Variants in PDCD6IP observed in about 807,000 individuals in gnomAD.
PDCD6IP encodes the protein programmed cell death 6-interacting protein.
Under a neutral mutation model 103.7 loss-of-function variants are expected in PDCD6IP, and 43 were observed. The observed-to-expected ratio is 0.41, with a 90% CI of 0.32 to 0.53. The LOEUF (loss-of-function observed/expected upper bound fraction) is 0.53, where lower values mean the gene tolerates loss of function less well. Ranked by LOEUF, PDCD6IP falls within the 20% of genes least tolerant of loss-of-function variation. PDCD6IP has a pLI of 0.16. For synonymous variants in PDCD6IP, 354 were observed against 378.7 expected (o/e 0.93, Z 0.76); for missense variants, 871 against 1,036.7 (o/e 0.84, Z 2.20).
chr3:33,822,534 A>G (rs371214141), intron 4 of PDCD6IP, among the ~76,000 whole-genome samples: 4 of 152,344 alleles, frequency 2.6e-5, no homozygotes, highest in African/African-American at 7.2e-5. Context: ...TAACTTTGAG[A>G]CTTGTGGAGA....
At chr3:33,832,093 A>G (rs1697256498) in intron 7 of PDCD6IP, among the ~76,000 whole-genome samples, 1 of 152,206 alleles carries the variant, frequency 6.6e-6, no homozygotes, top group African/African-American at 2.4e-5. Context: ...CCATAAGAAC[A>G]CCATAAACTG....
At chr3:33,820,726 T>G (rs908253507) in intron 3 of PDCD6IP, among the ~76,000 whole-genome samples, 1 of 152,236 alleles carries the variant, frequency 6.6e-6, no homozygotes, top group East Asian at 1.9e-4. Context: ...TTATAGCATA[T>G]GATTTCCTTC....
intron 1 of PDCD6IP, among the ~76,000 whole-genome samples, chr3:33,804,566 CAT>C (rs1191089952): frequency 2.0e-5 from 3 of 152,200 alleles, no homozygotes; most frequent in Admixed American, 1.3e-4. Flanking sequence ...GGTGAATAAA[CAT>C]ATGGGAAGAT....
rs181427600 is a variant in PDCD6IP, at chr3:33,833,083, C to T, written c.835-2961C>T. On this transcript the variant is annotated intron_variant, in intron 7 of 17. Coordinates refer to ENST00000307296, the MANE Select transcript of PDCD6IP (RefSeq NM_013374.6). ...TTTGGAGTATTTTACAACTATCTCA[C>T]GTATCATTTCATTCTTAAGTTTTTT... Among the ~76,000 whole-genome samples, 7 of 151,882 alleles carry T rather than the reference C, an allele frequency of 4.6e-5. No homozygotes were observed. In the East Asian group the frequency reaches 7.7e-4, roughly 17 times the overall value.
At chr3:33,826,774 G>T in intron 6 of PDCD6IP, 194 bp downstream of exon 6, 8 of 1,331,260 alleles carry the variant, frequency 6.0e-6, no homozygotes, top group Non-Finnish European at 6.7e-6. Flanking sequence ...TTTAGGGGAT[G>T]CCTTTGTCTT....
intron 16 of PDCD6IP, 76 bp from the exon 17 acceptor site, chr3:33,865,167 C>A: frequency 9.9e-7 from 1 of 1,009,656 alleles, no homozygotes; most frequent in Non-Finnish European, 1.4e-6. Flanking sequence ...TCTCATATGT[C>A]CTTATTAATT....
At chr3:33,856,970 A>G (rs1195349261) in intron 15 of PDCD6IP, among the ~76,000 whole-genome samples, 1 of 152,134 alleles carries the variant, frequency 6.6e-6, no homozygotes. Context: ...TGACCCTTTC[A>G]GCCAACTAGA....
chr3:33,800,119 C>CAAAAAAAAAAAAAA (rs1173163869), intron 1 of PDCD6IP, among the ~76,000 whole-genome samples: 9 of 50,872 alleles, frequency 1.8e-4, no homozygotes, highest in Non-Finnish European at 3.3e-4. Flanking sequence ...GACTCCATCT[C>CAAAAAAAAAAAAAA]AAAAAAAAAA....
In PDCD6IP at chr3:33,830,755, G is replaced by A. The variant is rs553301563; in HGVS notation, c.834+1786G>A. ...CACACTCACTGATCCATATTTCAGAGGACAGTTATTCTTTCCGGTAGGCAT... is the reference window on the plus strand; with the variant it reads ...CACACTCACTGATCCATATTTCAGAAGACAGTTATTCTTTCCGGTAGGCAT... On this transcript the variant is annotated intron_variant, in intron 7 of 17. Transcript: ENST00000307296. Among the ~76,000 whole-genome samples the A allele has an allele frequency of 2.0e-5, 3 of 152,238 alleles. No individual in the cohort carries two copies. The South Asian group carries it at 6.2e-4, about 32-fold the overall frequency.
intron 3 of PDCD6IP, among the ~76,000 whole-genome samples, chr3:33,815,875 T>C (rs1696838696): frequency 6.6e-6 from 1 of 152,130 alleles, no homozygotes; most frequent in Non-Finnish European, 1.5e-5. Context: ...AATTATTAGG[T>C]GATAATAAAT....
Position 33,812,094 on chromosome 3 carries a change from A to G in PDCD6IP, c.232A>G (p.Ile78Val), listed in dbSNP as rs774974360. 5.6e-5 allele frequency: 90 copies of G among 1,599,318 alleles called. No homozygotes were observed. Among genetic ancestry groups the G allele is most frequent in the Non-Finnish European group, 6.5e-5 (76 of 1,173,322 alleles). The change falls in exon 2 of 18, where the codon ATT (isoleucine) becomes GTT (valine). Residue 78 changes from isoleucine to valine, a missense_variant. Ile to Val is a conservative substitution (Grantham distance 29, BLOSUM62 3). Coordinates refer to ENST00000307296, the MANE Select transcript of PDCD6IP (RefSeq NM_013374.6). ...LLRYYDQICS[I>V]EPKFPFSENQ... The stretch of plus-strand genomic sequence containing the variant: ...TAGATATTATGATCAGATTTGTTCT[A>G]TTGAACCCAAATTCCCATTTTCTGA...
At chr3:33,842,682 T>G (rs1697501849) in intron 10 of PDCD6IP, among the ~76,000 whole-genome samples, 1 of 152,190 alleles carries the variant, frequency 6.6e-6, no homozygotes, top group Non-Finnish European at 1.5e-5. Flanking sequence ...AAATTTAGTG[T>G]AGAAAGTTCC....
intron 6 of PDCD6IP, chr3:33,828,593 T>C (rs1429851083): frequency 1.2e-5 from 3 of 248,492 alleles, no homozygotes; most frequent in African/African-American, 2.3e-5. Flanking sequence ...TAAAGAGAAT[T>C]GTAAAAACCT....
Position 33,868,541 on chromosome 3 carries a change from C to T in PDCD6IP, c.*2016C>T, listed in dbSNP as rs1165540674. On this transcript the variant is annotated 3_prime_UTR_variant, in exon 18 of 18. Transcript: ENST00000307296. Reference sequence around the variant, plus strand: ...TGTTAGTGTAACCTTTTAAATGTAGCAACACAAACCCTTTCCCTCTTGTCA... The same window carrying T: ...TGTTAGTGTAACCTTTTAAATGTAGTAACACAAACCCTTTCCCTCTTGTCA... 1 of 152,648 alleles carries T rather than the reference C, an allele frequency of 6.6e-6. No homozygotes were observed. Among genetic ancestry groups the T allele is most frequent in the East Asian group, 1.9e-4 (1 of 5,192 alleles). 9.5% of individuals were successfully genotyped at this position (152,648 alleles called of 1,614,324 possible).
At chr3:33,799,044 C>A (rs1029454031) in intron 1 of PDCD6IP, 107 bp downstream of exon 1, 8 of 1,099,484 alleles carry the variant, frequency 7.3e-6, no homozygotes, top group Admixed American at 2.8e-5. Context: ...GGAGCCGCCC[C>A]GTCCCGGCCT....
intron 9 of PDCD6IP, among the ~76,000 whole-genome samples, chr3:33,838,617 T>C (rs1343712867): frequency 6.6e-6 from 1 of 152,162 alleles, no homozygotes; most frequent in Non-Finnish European, 1.5e-5. Flanking sequence ...ATGGTACATT[T>C]AGTGTTCTGA....
intron 14 of PDCD6IP, 165 bp from the exon 15 acceptor site, chr3:33,855,001 T>C (rs1697796281): frequency 4.5e-6 from 2 of 446,620 alleles, no homozygotes; most frequent in African/African-American, 4.1e-5. Context: ...TCTTAGATCA[T>C]ATTTAATATT....
intron 9 of PDCD6IP, among the ~76,000 whole-genome samples, chr3:33,841,114 G>A (rs75995884): frequency 0.29 from 44,057 of 149,424 alleles, 6,668 homozygotes; most frequent in East Asian, 0.41. Flanking sequence ...TGCAACCTTC[G>A]CCTCCCGGCT....
chr3:33,849,503 A>C (rs1328896740), intron 12 of PDCD6IP, among the ~76,000 whole-genome samples: 1 of 148,654 alleles, frequency 6.7e-6, no homozygotes, highest in Non-Finnish European at 1.5e-5. Flanking sequence ...TTGTGTCCAT[A>C]GCATCTAGAA....
Sources: allele counts gnomAD v4.1 joint callset (sites outside exome capture counted in the v4.1 genomes callset), GRCh38; gene constraint gnomAD v4.1.1; transcripts MANE v1.5; gene names NCBI Gene and HGNC (gene_info 2026-07-23, HGNC 2026-07-21).